Variants in AGBL4 observed in about 807,000 individuals in gnomAD.
AGBL4 encodes AGBL carboxypeptidase 4, also known as cytosolic carboxypeptidase 6.
Under a neutral mutation model 66.4 loss-of-function variants are expected in AGBL4, and 58 were observed. That is an observed-to-expected ratio of 0.87 (90% CI 0.71 to 1.09). AGBL4 has a LOEUF of 1.09. Among genes scored for constraint, AGBL4 ranks in the 50% least tolerant of loss-of-function variants. The pLI is 0.00. For synonymous variants in AGBL4, 234 were observed against 222.9 expected (o/e 1.05, Z -0.44); for missense variants, 579 against 631.0 (o/e 0.92, Z 0.88).
chr1:48,657,335 G>A (rs1646036756), intron 7 of AGBL4, among the ~76,000 whole-genome samples: 1 of 152,328 alleles, frequency 6.6e-6, no homozygotes, highest in Admixed American at 6.5e-5. Context: ...TGGGAATGGA[G>A]AGGTGAACAA....
chr1:49,285,047 C>T (rs1420904006), intron 3 of AGBL4, among the ~76,000 whole-genome samples: 31 of 151,892 alleles, frequency 2.0e-4, no homozygotes, highest in Non-Finnish European at 7.4e-5. Flanking sequence ...CAGAACTCTC[C>T]ACCCCAAATC....
At chr1:48,889,989 CGTGTGTGT>C (rs10557498) in intron 5 of AGBL4, among the ~76,000 whole-genome samples, 71 of 148,746 alleles carry the variant, frequency 4.8e-4, no homozygotes, top group East Asian at 2.2e-3. Flanking sequence ...AGCCTGCTTG[CGTGTGTGT>C]GTGTGTGTGT....
Position 48,990,625 on chromosome 1 carries a change from C to T in AGBL4, c.594+54959G>A, listed in dbSNP as rs147688965. On this transcript the variant is annotated intron_variant, in intron 5 of 13. Coordinates refer to ENST00000371839, the MANE Select transcript of AGBL4 (RefSeq NM_032785.4). ...TGCATATGATATGCAGTTTTCCTAG[C>T]ATCACTTATTGCTGTCTGCTTGTTT... 4.5e-4 allele frequency among the ~76,000 whole-genome samples: 68 copies of T among 152,130 alleles called. 1 individual carries two copies. The South Asian group carries it at 9.6e-3, about 21-fold the overall frequency.
intron 5 of AGBL4, among the ~76,000 whole-genome samples, chr1:49,032,922 CA>C (rs1664346775): frequency 6.6e-6 from 1 of 151,978 alleles, no homozygotes; most frequent in South Asian, 2.1e-4. Flanking sequence ...CCCAGGAATG[CA>C]GCAGGTGTGT....
At chr1:49,742,390 C>A (rs920047644) in intron 2 of AGBL4, among the ~76,000 whole-genome samples, 1 of 152,006 alleles carries the variant, frequency 6.6e-6, no homozygotes, top group African/African-American at 2.4e-5. Context: ...CACTGCTCAA[C>A]GAAATAAAAG....
intron 5 of AGBL4, among the ~76,000 whole-genome samples, chr1:48,965,658 T>TA (rs1406940691): frequency 6.6e-6 from 1 of 152,132 alleles, no homozygotes; most frequent in Non-Finnish European, 1.5e-5. Context: ...TAAGCTGGAA[T>TA]AGTGCTCTGC....
At chr1:49,298,624 T>C (rs1172418458) in intron 3 of AGBL4, among the ~76,000 whole-genome samples, 2 of 150,926 alleles carry the variant, frequency 1.3e-5, no homozygotes. Flanking sequence ...GCCTGGCCTC[T>C]CCTTCCTCCC....
At chr1:49,036,079 G>C (rs950186708) in intron 5 of AGBL4, among the ~76,000 whole-genome samples, 1 of 150,892 alleles carries the variant, frequency 6.6e-6, no homozygotes, top group Admixed American at 6.6e-5. Flanking sequence ...AATATACCCA[G>C]GGAACAAACC....
chr1:48,718,687 C>T (rs1032239076), intron 6 of AGBL4, among the ~76,000 whole-genome samples: 1 of 152,120 alleles, frequency 6.6e-6, no homozygotes, highest in Non-Finnish European at 1.5e-5. Flanking sequence ...GGTTTCCCAA[C>T]CCTGATTTGG....
intron 3 of AGBL4, among the ~76,000 whole-genome samples, chr1:49,303,820 C>A (rs1338935465): frequency 1.3e-5 from 2 of 152,008 alleles, no homozygotes; most frequent in Non-Finnish European, 2.9e-5. Context: ...CCTTTGCCTG[C>A]TTTTTAATGG....
intron 1 of AGBL4, among the ~76,000 whole-genome samples, chr1:49,972,954 T>A (rs1426111624): frequency 6.6e-6 from 1 of 152,158 alleles, no homozygotes; most frequent in African/African-American, 2.4e-5. Flanking sequence ...TAACATTATC[T>A]CCATTTTTTA....
chr1:49,478,406 A>G (rs904513548), intron 3 of AGBL4, among the ~76,000 whole-genome samples: 1 of 151,980 alleles, frequency 6.6e-6, no homozygotes, highest in African/African-American at 2.4e-5. Context: ...AGATTTTTCA[A>G]TAGAAACCTT....
intron 1 of AGBL4, among the ~76,000 whole-genome samples, chr1:49,979,403 G>A (rs1338365778): frequency 1.3e-5 from 2 of 151,782 alleles, no homozygotes; most frequent in African/African-American, 4.8e-5. Flanking sequence ...GGAGCTTGCA[G>A]TGAGCCGAGA....
chr1:49,036,111 T>TA (rs963114114), intron 5 of AGBL4, among the ~76,000 whole-genome samples: 3 of 150,480 alleles, frequency 2.0e-5, no homozygotes, highest in Non-Finnish European at 3.0e-5. Flanking sequence ...CTCCTGAATC[T>TA]AAAAAAACAT....
At chr1:49,128,736 A>G (rs1645818721) in intron 4 of AGBL4, among the ~76,000 whole-genome samples, 1 of 152,100 alleles carries the variant, frequency 6.6e-6, no homozygotes, top group Non-Finnish European at 1.5e-5. Flanking sequence ...ATAAATATAA[A>G]TGTAAAAAAG....
intron 3 of AGBL4, among the ~76,000 whole-genome samples, chr1:49,364,396 T>G (rs527900516): frequency 4.7e-4 from 72 of 152,248 alleles, no homozygotes; most frequent in Non-Finnish European, 9.4e-4. Flanking sequence ...CACAGAAATA[T>G]TTACTGTATT....
chr1:49,707,865 T>C (rs942294092), intron 2 of AGBL4, among the ~76,000 whole-genome samples: 1 of 152,198 alleles, frequency 6.6e-6, no homozygotes, highest in African/African-American at 2.4e-5. Context: ...TCTTTAAGAA[T>C]GTTGAGTATT....
At chr1:49,183,971 T>C (rs1396645852) in intron 4 of AGBL4, among the ~76,000 whole-genome samples, 1 of 152,134 alleles carries the variant, frequency 6.6e-6, no homozygotes, top group Non-Finnish European at 1.5e-5. Flanking sequence ...TCATTACATA[T>C]GAAGTGATTA....
intron 3 of AGBL4, among the ~76,000 whole-genome samples, chr1:49,484,244 T>C (rs1441699010): frequency 6.6e-6 from 1 of 151,968 alleles, no homozygotes; most frequent in African/African-American, 2.4e-5. Context: ...ATCCCTCTCC[T>C]AGGTATATAT....
Sources: gnomAD v4.1 joint callset for allele counts (sites outside exome capture counted in the v4.1 genomes callset) on GRCh38, gnomAD v4.1.1 for gene constraint, MANE v1.5 for transcripts, NCBI Gene and HGNC (gene_info 2026-07-23, HGNC 2026-07-21) for gene names.